Variants in CAMKMT observed in about 807,000 individuals in gnomAD.
CAMKMT encodes CaM KMT.
CAMKMT carries 53 observed loss-of-function variants against 48.0 expected under a neutral mutation model. The ratio of observed to expected loss-of-function variants is 1.10; its 90% CI spans 0.89 to 1.39. The LOEUF is 1.39. Ranked by LOEUF, CAMKMT falls within the 40% of genes most tolerant of loss-of-function variation. The pLI, the probability that CAMKMT is intolerant of heterozygous loss-of-function variation, is 0.00. For synonymous variants in CAMKMT, 165 were observed against 152.3 expected, an observed-to-expected ratio of 1.08 and a Z score of -0.61; for missense variants, 428 against 402.7, an observed-to-expected ratio of 1.06 and a Z score of -0.54.
At chr2:44,714,314 A>C (rs1678052373) in intron 6 of CAMKMT, among the ~76,000 whole-genome samples, 1 of 152,176 alleles carries the variant, frequency 6.6e-6, no homozygotes, top group African/African-American at 2.4e-5. Context: ...CCTGGTGCTG[A>C]AACCTGACTA....
intron 4 of CAMKMT, 82 bp downstream of exon 4, chr2:44,704,425 T>C (rs1185302457): frequency 4.5e-6 from 4 of 893,812 alleles, no homozygotes; most frequent in Middle Eastern, 2.4e-4. Context: ...ATTATATTCT[T>C]CAAATTAAAT....
chr2:44,432,282 G>A (rs954119666), intron 3 of CAMKMT, among the ~76,000 whole-genome samples: 1 of 152,120 alleles, frequency 6.6e-6, no homozygotes, highest in Non-Finnish European at 1.5e-5. Context: ...CTGCACACGG[G>A]TAATAATAAG....
At chr2:44,449,827 G>A (rs1443818709) in intron 3 of CAMKMT, among the ~76,000 whole-genome samples, 2 of 152,112 alleles carry the variant, frequency 1.3e-5, no homozygotes, top group Non-Finnish European at 1.5e-5. Flanking sequence ...TGGGGAGGGG[G>A]TTAGTACTAG....
At chr2:44,438,052 A>G (rs551868907) in intron 3 of CAMKMT, among the ~76,000 whole-genome samples, 1 of 152,208 alleles carries the variant, frequency 6.6e-6, no homozygotes, top group Admixed American at 6.5e-5. Context: ...AGTTTACATT[A>G]TCTTGGCAGT....
chr2:44,443,572 A>G (rs1666799188), intron 3 of CAMKMT, among the ~76,000 whole-genome samples: 1 of 152,168 alleles, frequency 6.6e-6, no homozygotes, highest in Admixed American at 6.5e-5. Flanking sequence ...TAAAGGTTCT[A>G]TAAATTTCTT....
chr2:44,409,104 T>TTGCTAC (rs1558587771), intron 3 of CAMKMT, among the ~76,000 whole-genome samples: 11 of 3,488 alleles, frequency 3.2e-3, no homozygotes, highest in African/African-American at 9.1e-3. Context: ...TATATATATA[T>TTGCTAC]ATATATATAT....
At chr2:44,535,133 ACTTTAAAAC>A (rs1386154226) in intron 3 of CAMKMT, among the ~76,000 whole-genome samples, 4 of 152,180 alleles carry the variant, frequency 2.6e-5, no homozygotes. Flanking sequence ...ATTCGAACAA[ACTTTAAAAC>A]CTTAAGGAAA....
At chr2:44,389,088 G>A (rs1203544872) in intron 2 of CAMKMT, among the ~76,000 whole-genome samples, 1 of 152,134 alleles carries the variant, frequency 6.6e-6, no homozygotes, top group Non-Finnish European at 1.5e-5. Context: ...TATGCCCTTT[G>A]TCTTCAGCTA....
rs185820844 is a variant in CAMKMT, at chr2:44,664,891, G to T, written c.377-39392G>T. 2.5e-3 allele frequency among the ~76,000 whole-genome samples: 387 copies of T among 152,306 alleles called. 2 individuals carry two copies. Among genetic ancestry groups the T allele is most frequent in the African/African-American group, 8.9e-3 (372 of 41,582 alleles). On this transcript the variant is annotated intron_variant, in intron 3 of 10. Coordinates refer to ENST00000378494, the MANE Select transcript of CAMKMT (RefSeq NM_024766.5). ...TCAGAATGCAAGAAACTGGCAGGTG[G>T]TTCAGTGTGGGTCACAGTGATTCTC...
At chr2:44,364,840 T>A (rs1678422524) in intron 1 of CAMKMT, among the ~76,000 whole-genome samples, 1 of 152,180 alleles carries the variant, frequency 6.6e-6, no homozygotes, top group Admixed American at 6.5e-5. Context: ...GCTGAAGTCC[T>A]CATGGTGATA....
At chr2:44,701,920 G>A (rs566161018) in intron 3 of CAMKMT, among the ~76,000 whole-genome samples, 10 of 151,988 alleles carry the variant, frequency 6.6e-5, no homozygotes, top group African/African-American at 1.7e-4. Flanking sequence ...TTGAGATGAC[G>A]TCCAAAATGT....
At chr2:44,649,159 G>T (rs146741353) in intron 3 of CAMKMT, among the ~76,000 whole-genome samples, 159 of 152,190 alleles carry the variant, frequency 1.0e-3, no homozygotes, top group African/African-American at 3.5e-3. Context: ...TTCAGTGAGG[G>T]GGGGAAAATG....
At chr2:44,706,433 A>G in intron 5 of CAMKMT, 92 bp downstream of exon 5, 1 of 1,251,364 alleles carries the variant, frequency 8.0e-7, no homozygotes, top group Non-Finnish European at 1.2e-6. Context: ...GAGAACCGTC[A>G]ACAGCATCAG....
intron 3 of CAMKMT, among the ~76,000 whole-genome samples, chr2:44,488,843 T>TTGTGTG (rs142299931): frequency 0.017 from 2,348 of 142,022 alleles, 50 homozygotes; most frequent in African/African-American, 0.049. Flanking sequence ...CTTAGGGTAT[T>TTGTGTG]TGTGTGTGTG....
At chr2:44,713,848 A>G (rs1291403039) in intron 6 of CAMKMT, among the ~76,000 whole-genome samples, 2 of 152,126 alleles carry the variant, frequency 1.3e-5, no homozygotes, top group East Asian at 3.8e-4. Flanking sequence ...TTTTGCAGGG[A>G]GATCTTGGTC....
In CAMKMT at chr2:44,379,622, T is replaced by A. The variant is rs560321509; in HGVS notation, c.311+6734T>A. On this transcript the variant is annotated intron_variant, in intron 2 of 10. Transcript: ENST00000378494. Reference sequence around the variant, plus strand: ...AATATTACAACCCTTATAGTGGATATGAAGTGATATCTCACTGTGGCTTTG... The same window carrying A: ...AATATTACAACCCTTATAGTGGATAAGAAGTGATATCTCACTGTGGCTTTG... Among the ~76,000 whole-genome samples, 4 of 152,356 alleles carry A rather than the reference T, an allele frequency of 2.6e-5. No individual in the cohort carries two copies. In the South Asian group the frequency reaches 8.3e-4, roughly 32 times the overall value.
At chr2:44,677,404 T>C (rs531477126) in intron 3 of CAMKMT, among the ~76,000 whole-genome samples, 1 of 152,284 alleles carries the variant, frequency 6.6e-6, no homozygotes, top group African/African-American at 2.4e-5. Flanking sequence ...ATTCAGTTTG[T>C]GGAGTAAGGG....
In CAMKMT at chr2:44,755,941, G is replaced by C. The variant is rs533636094; in HGVS notation, c.762+1823G>C. Among the ~76,000 whole-genome samples the C allele has an allele frequency of 1.9e-4, 29 of 152,242 alleles. No homozygotes were observed. In the South Asian group the frequency reaches 6.0e-3, roughly 32 times the overall value. On this transcript the variant is annotated intron_variant, in intron 9 of 10. Transcript: ENST00000378494. ...TAACCTGTAGCATTAGAATGGCAGTGGGGGGGCCTCACTTAGGCCCCTCTT... is the reference window on the plus strand; with the variant it reads ...TAACCTGTAGCATTAGAATGGCAGTCGGGGGGCCTCACTTAGGCCCCTCTT...
chr2:44,577,461 A>G (rs908490922), intron 3 of CAMKMT, among the ~76,000 whole-genome samples: 8 of 152,154 alleles, frequency 5.3e-5, no homozygotes, highest in African/African-American at 1.9e-4. Context: ...TCTACAAAAA[A>G]TATGGAAATT....
Sources: gnomAD v4.1 joint callset for allele counts (sites outside exome capture counted in the v4.1 genomes callset) on GRCh38, gnomAD v4.1.1 for gene constraint, MANE v1.5 for transcripts, NCBI Gene and HGNC (gene_info 2026-07-23, HGNC 2026-07-21) for gene names.